The following MTCL1 variants were observed in gnomAD, a reference collection of about 807,000 sequenced individuals.
MTCL1 encodes microtubule crosslinking factor 1, also known as microtubule cross-linking factor 1.
MTCL1 carries 79 observed loss-of-function variants against 141.4 expected under a neutral mutation model. The observed-to-expected ratio is 0.56, with a 90% CI of 0.47 to 0.67. MTCL1 has a LOEUF of 0.67. Among genes scored for constraint, MTCL1 ranks in the 30% least tolerant of loss-of-function variants. The probability of loss-of-function intolerance (pLI) is 0.00; values close to 1 mark genes in which losing one functional copy is unlikely to be tolerated. For missense variants in MTCL1, 2,177 were observed against 2,113.9 expected (o/e 1.03, Z -0.59); for synonymous variants, 914 against 875.8 (o/e 1.04, Z -0.77).
intron 7 of MTCL1, chr18:8,789,531 A>T (rs1179527955): frequency 1.0e-6 from 1 of 985,278 alleles, no homozygotes; most frequent in African/African-American, 1.7e-5. Context: ...AGCCTTTGTC[A>T]ATCAGTGTGG....
chr18:8,720,652 C>A (rs976781011), intron 4 of MTCL1, among the ~76,000 whole-genome samples, 156 bp downstream of exon 3: 1 of 152,104 alleles, frequency 6.6e-6, no homozygotes, highest in African/African-American at 2.4e-5. Context: ...CATTTTTTTC[C>A]TAGCGTGGTA....
At chr18:8,756,644 G>T (rs2096403268) in intron 4 of MTCL1, among the ~76,000 whole-genome samples, 1 of 152,022 alleles carries the variant, frequency 6.6e-6, no homozygotes, top group Non-Finnish European at 1.5e-5. Context: ...TTGGAGAAAA[G>T]AAAAATTTAG....
exon 17 of MTCL1, chr18:8,832,034 T>G: frequency 1.7e-6 from 1 of 581,874 alleles, no homozygotes. Flanking sequence ...GAAAACTATT[T>G]TTGTCTCCAT....
intron 4 of MTCL1, among the ~76,000 whole-genome samples, chr18:8,768,839 T>G (rs142286830): frequency 0.017 from 2,470 of 143,580 alleles, 67 homozygotes; most frequent in African/African-American, 0.061. Flanking sequence ...TCACCCAGGC[T>G]GGAGTGCAGT....
intron 4 of MTCL1, among the ~76,000 whole-genome samples, chr18:8,748,331 C>T (rs2096351938): frequency 6.6e-6 from 1 of 152,052 alleles, no homozygotes; most frequent in Admixed American, 6.6e-5. Context: ...CGCTTGAGCC[C>T]CCAGGAATTG....
At chr18:8,813,210 G>A (rs1443844250) in exon 12 of MTCL1, 5 of 1,611,346 alleles carry the variant, frequency 3.1e-6, no homozygotes, top group Non-Finnish European at 4.2e-6. Flanking sequence ...GCAGAAGAAG[G>A]AATTCTTGTG....
rs1403394776 is a variant in MTCL1 at position 8,828,094 on chromosome 18, T to C, written c.4723-814T>C. On this transcript the variant is annotated intron_variant, in intron 15 of 16. Coordinates refer to ENST00000359865, the Ensembl canonical transcript of MTCL1. This position sits in a 1 kb window ranked among gnomAD's most constrained non-coding sequence, Gnocchi z 5.2. The stretch of plus-strand genomic sequence containing the variant: ...TAGATTCCAGTGGGATTGTTCTGAA[T>C]TGATGTAATATATTCAGGCCATTGC... Among the ~76,000 whole-genome samples, 1 of 152,200 alleles carries C rather than the reference T, an allele frequency of 6.6e-6. No individual in the cohort carries two copies. Among genetic ancestry groups the C allele is most frequent in the African/African-American group, 2.4e-5 (1 of 41,452 alleles).
exon 11 of MTCL1, chr18:8,806,951 C>A: frequency 6.2e-7 from 1 of 1,613,652 alleles, no homozygotes; most frequent in Non-Finnish European, 8.5e-7. Context: ...GACTTCCGTG[C>A]GGAGCTGCGG....
intron 1 of MTCL1, among the ~76,000 whole-genome samples, chr18:8,709,077 C>T (rs1002956412): frequency 1.3e-5 from 2 of 152,238 alleles, no homozygotes; most frequent in African/African-American, 4.8e-5. Flanking sequence ...GGGCCCAGAG[C>T]TTCAGGGACC....
rs12962890 is a variant in MTCL1 at position 8,828,184 on chromosome 18, A to G, written c.4723-724A>G. ...CGGTATGCGTTCCCAAATCCCCAGGACTACTTCTGATTCCAAGCCCACCCA... is the reference window on the plus strand; with the variant it reads ...CGGTATGCGTTCCCAAATCCCCAGGGCTACTTCTGATTCCAAGCCCACCCA... On this transcript the variant is annotated intron_variant, in intron 15 of 16. Transcript: ENST00000359865. This position sits in a 1 kb window ranked among gnomAD's most constrained non-coding sequence, Gnocchi z 5.2. Among the ~76,000 whole-genome samples the G allele has an allele frequency of 0.04, 6,127 of 152,138 alleles. 261 individuals are homozygous for G. Among genetic ancestry groups the G allele is most frequent in the East Asian group, 0.13 (672 of 5,174 alleles).
intron 12 of MTCL1, among the ~76,000 whole-genome samples, chr18:8,815,031 A>C (rs2076605457): frequency 6.6e-6 from 1 of 152,196 alleles, no homozygotes; most frequent in South Asian, 2.1e-4. Flanking sequence ...GTGGGACTGT[A>C]AACTAGTTCA....
chr18:8,709,205 T>C (rs1190635416), intron 1 of MTCL1, among the ~76,000 whole-genome samples: 1 of 151,824 alleles, frequency 6.6e-6, no homozygotes, highest in South Asian at 2.1e-4. Flanking sequence ...TTGTGGTTTT[T>C]TTTTGAAGGG....
At chr18:8,808,005 CAAAA>C (rs530719223) in intron 11 of MTCL1, among the ~76,000 whole-genome samples, 1 of 114,582 alleles carries the variant, frequency 8.7e-6, no homozygotes, top group African/African-American at 3.0e-5. Context: ...CTTGATGTGT[CAAAA>C]AAAAAAAAAA....
At chr18:8,713,283 A>G (rs2096105768), upstream of MTCL1, among the ~76,000 whole-genome samples, 1 of 152,278 alleles carries the variant, frequency 6.6e-6, no homozygotes, top group Non-Finnish European at 1.5e-5. Flanking sequence ...ATGATTTAAT[A>G]CTTAAGTATC....
At chr18:8,718,209 T>C (rs2096142688) in intron 2 of MTCL1, among the ~76,000 whole-genome samples, 1 of 152,174 alleles carries the variant, frequency 6.6e-6, no homozygotes, top group African/African-American at 2.4e-5. Flanking sequence ...TTTTTTAGCT[T>C]CTGGTTACAT....
At chr18:8,759,745 A>G (rs1379061397) in intron 4 of MTCL1, among the ~76,000 whole-genome samples, 1 of 152,244 alleles carries the variant, frequency 6.6e-6, no homozygotes, top group Non-Finnish European at 1.5e-5. Context: ...ACGTGTTATT[A>G]TAATAGATTT....
chr18:8,796,905 G>T (rs1455062483), intron 9 of MTCL1, among the ~76,000 whole-genome samples: 1 of 152,160 alleles, frequency 6.6e-6, no homozygotes, highest in African/African-American at 2.4e-5. Context: ...ATATTCATGG[G>T]ATACAATTGC....
At chr18:8,808,598 A>G (rs888599636) in intron 11 of MTCL1, among the ~76,000 whole-genome samples, 2 of 152,246 alleles carry the variant, frequency 1.3e-5, no homozygotes, top group Non-Finnish European at 2.9e-5. Context: ...AGCAATGAAT[A>G]TGGGATGATG....
At chr18:8,718,352 G>A (rs2096143991) in intron 2 of MTCL1, 72 bp from the exon 2 acceptor site, 2 of 1,405,404 alleles carry the variant, frequency 1.4e-6, no homozygotes. Flanking sequence ...TGAGGAGCGG[G>A]TATGAAGGAG....
Sources: gnomAD v4.1 joint callset for allele counts (sites outside exome capture counted in the v4.1 genomes callset) on GRCh38, gnomAD v4.1.1 for gene constraint, Gnocchi (gnomAD v3.1) non-coding constraint, MANE v1.5 for transcripts, NCBI Gene and HGNC (gene_info 2026-07-23, HGNC 2026-07-21) for gene names.